The following CCDC180 variants were observed in gnomAD, a reference collection of about 807,000 sequenced individuals.
The protein encoded by CCDC180 is coiled-coil domain containing 180, also known as coiled-coil domain-containing protein 180.
Under a neutral mutation model 209.2 loss-of-function variants are expected in CCDC180, and 154 were observed. That is an observed-to-expected ratio of 0.74 (90% CI 0.65 to 0.84). The LOEUF is 0.84. CCDC180 is among the 40% of genes least tolerant of loss of function. The probability of loss-of-function intolerance (pLI) is 0.00; values close to 1 mark genes in which losing one functional copy is unlikely to be tolerated. For missense variants in CCDC180, 1,874 were observed against 1,997.3 expected (o/e 0.94, Z 1.18); for synonymous variants, 778 against 749.1 (o/e 1.04, Z -0.63).
At chr9:97,371,561 C>T (rs1424408243) in intron 33 of CCDC180, 34 bp from the exon 34 acceptor site, 7 of 1,416,854 alleles carry the variant, frequency 4.9e-6, no homozygotes, top group Non-Finnish European at 5.9e-6. Context: ...ATGATCCTCT[C>T]CTAGCAGCAC....
In CCDC180 at chr9:97,377,045, A is replaced by G. The variant is rs1259005827; in HGVS notation, c.*151A>G. Reference sequence around the variant, plus strand: ...CTGTAGCTTTACCAGCGAACAGGACACAGCATGGTCCCTGCCCACGTGGAG... The same window carrying G: ...CTGTAGCTTTACCAGCGAACAGGACGCAGCATGGTCCCTGCCCACGTGGAG... On this transcript the variant is annotated 3_prime_UTR_variant, in exon 37 of 37. Coordinates refer to ENST00000529487, the MANE Select transcript of CCDC180 (RefSeq NM_020893.6). 1.2e-6 allele frequency: 1 copy of G among 813,344 alleles called. No individual in the cohort carries two copies. The highest frequency in any genetic ancestry group is 1.9e-5 in the South Asian group (1 of 51,934). 50.4% of individuals were successfully genotyped at this position (813,344 alleles called of 1,614,324 possible). A position where few individuals can be genotyped will look rare whatever the true frequency, so the allele number is the denominator to read the frequency against.
At chr9:97,323,012 C>A in intron 12 of CCDC180, 91 bp downstream of exon 12, 1 of 914,352 alleles carries the variant, frequency 1.1e-6, no homozygotes, top group Non-Finnish European at 1.7e-6. Context: ...CTTCCCCTCC[C>A]CAGCTATGTC....
rs149708666 is a variant in CCDC180, at chr9:97,364,126, C to G, written c.3978C>G (p.Ala1326=). 2 of 1,613,974 alleles carry G rather than the reference C, an allele frequency of 1.2e-6. No individual in the cohort carries two copies. Among genetic ancestry groups the G allele is most frequent in the Admixed American group, 3.3e-5 (2 of 60,000 alleles). The stretch of plus-strand genomic sequence containing the variant: ...TTGGGGACAAGCCTCCCCCTGCTGC[C>G]GAGTGAGTAACAACGCCTTTCCTTT... ...RVLGDKPPPA[A]EDFKGIILTL... is the part of the protein sequence containing the mutation. The change falls in exon 29 of 37, where the codon GCC becomes GCG. Residue 1326 remains alanine (A), a splice_region_variant and synonymous_variant. Coordinates refer to ENST00000529487, the MANE Select transcript of CCDC180 (RefSeq NM_020893.6).
intron 20 of CCDC180, chr9:97,347,717 T>C (rs1826306458): frequency 1.9e-6 from 1 of 515,440 alleles, no homozygotes; most frequent in Non-Finnish European, 3.4e-6. Flanking sequence ...CCATTTTTTT[T>C]TCAAGAGGGT....
chr9:97,354,960 G>GA lies in CCDC180; in HGVS notation c.3220dup (p.Ile1074AsnfsTer74), dbSNP rs1564169859. The GA allele has an allele frequency of 4.3e-6, 7 of 1,614,132 alleles. No individual in the cohort carries two copies. Among genetic ancestry groups the GA allele is most frequent in the South Asian group, 1.1e-5 (1 of 91,086 alleles). On this transcript the variant is annotated frameshift_variant, in exon 24 of 37. Coordinates refer to ENST00000529487, the MANE Select transcript of CCDC180 (RefSeq NM_020893.6). LOFTEE classifies it high-confidence loss of function. Reference sequence around the variant, plus strand: ...TGTCTGTGGACCTTATTTTCATAGAGAAAATCCAGCGGTTGCTGACGAATC... The same window carrying GA: ...TGTCTGTGGACCTTATTTTCATAGAGAAAAATCCAGCGGTTGCTGACGAATC...
chr9:97,308,596 G>A (rs1451418738), intron 2 of CCDC180, among the ~76,000 whole-genome samples: 1 of 152,174 alleles, frequency 6.6e-6, no homozygotes, highest in Admixed American at 6.5e-5. Flanking sequence ...CTGTATTAAA[G>A]TAAAGCCCTC....
At chr9:97,322,947 G>A (rs1399576956) in intron 12 of CCDC180, 26 bp downstream of exon 12, 2 of 1,600,404 alleles carry the variant, frequency 1.2e-6, no homozygotes, top group Non-Finnish European at 8.6e-7. Context: ...GCAGGCCTGA[G>A]AAGAGGAATC....
At position 97,325,197 on chromosome 9, in the gene CCDC180, G is replaced by A. The variant is rs780155221; in HGVS notation, c.1545+5G>A. The A allele has an allele frequency of 6.3e-7, 1 of 1,586,328 alleles. No homozygotes were observed. The highest frequency in any genetic ancestry group is 1.1e-5 in the South Asian group (1 of 87,606). The stretch of plus-strand genomic sequence containing the variant: ...AAGCACAGCCTGGAGAGCCAGGTGA[G>A]ACCCACACCCGGGGCTCCATGTTTC... On this transcript the variant is annotated splice_donor_5th_base_variant and intron_variant, in intron 14 of 36. Transcript: ENST00000529487.
At chr9:97,368,007 G>A (rs1826974838) in intron 31 of CCDC180, among the ~76,000 whole-genome samples, 1 of 152,126 alleles carries the variant, frequency 6.6e-6, no homozygotes, top group Non-Finnish European at 1.5e-5. Flanking sequence ...CTACATGATT[G>A]TCCTCAAAAC....
Position 97,307,740 on chromosome 9 carries a change from C to G in CCDC180, c.-148C>G. The G allele has an allele frequency of 1.2e-6, 2 of 1,614,136 alleles. No homozygotes were observed. Among genetic ancestry groups the G allele is most frequent in the South Asian group, 2.2e-5 (2 of 91,084 alleles). On this transcript the variant is annotated 5_prime_UTR_variant, in exon 1 of 37. Coordinates refer to ENST00000529487, the MANE Select transcript of CCDC180 (RefSeq NM_020893.6). ...CTGTATTATTCGCGTTCCCAGAGTC[C>G]CTTCGGATTTGCGCCATGCGCGGCG...
chr9:97,335,545 A>G lies in CCDC180; in HGVS notation c.2274+4778A>G, dbSNP rs7044850. On this transcript the variant is annotated intron_variant, in intron 18 of 36. Transcript: ENST00000529487. ...ATGGCTGCATAATATTCCATGGTGT[A>G]CATGTGCCACATTTTCTTAATCCAG... 1.8e-3 allele frequency among the ~76,000 whole-genome samples: 274 copies of G among 152,342 alleles called. 1 individual carries two copies. The highest frequency in any genetic ancestry group is 5.6e-3 in the African/African-American group (234 of 41,566).
At chr9:97,315,232 G>T (rs559715031) in intron 8 of CCDC180, among the ~76,000 whole-genome samples, 3 of 152,308 alleles carry the variant, frequency 2.0e-5, no homozygotes, top group Admixed American at 6.5e-5. Context: ...GAGCGCTGAT[G>T]ATGTTAATGA....
intron 11 of CCDC180, among the ~76,000 whole-genome samples, chr9:97,321,495 G>T (rs561697269): frequency 1.1e-4 from 17 of 152,196 alleles, no homozygotes; most frequent in Non-Finnish European, 2.1e-4. Flanking sequence ...CTTAGCCTGG[G>T]TACTTTGGCT....
intron 2 of CCDC180, among the ~76,000 whole-genome samples, chr9:97,309,212 C>G (rs551404157): frequency 1.3e-5 from 2 of 152,272 alleles, no homozygotes; most frequent in South Asian, 4.2e-4. Context: ...TAGAAAGAGG[C>G]CTTCTTTGAA....
At chr9:97,347,128 C>T (rs1439520566) in intron 19 of CCDC180, among the ~76,000 whole-genome samples, 186 bp from the exon 20 acceptor site, 1 of 152,206 alleles carries the variant, frequency 6.6e-6, no homozygotes, top group Non-Finnish European at 1.5e-5. Flanking sequence ...ATCTGACATA[C>T]ATAATGTCCT....
intron 11 of CCDC180, among the ~76,000 whole-genome samples, chr9:97,322,512 T>C (rs1833390322): frequency 6.6e-6 from 1 of 152,222 alleles, no homozygotes. Flanking sequence ...CAGTAAATGC[T>C]CATTGATCTC....
At chr9:97,322,699 C>A in intron 11 of CCDC180, 134 bp from the exon 12 acceptor site, 1 of 724,060 alleles carries the variant, frequency 1.4e-6, no homozygotes, top group Non-Finnish European at 2.4e-6. Context: ...AGCCCCTGAT[C>A]TCAATCGGGA....
At position 97,354,696 on chromosome 9, in the gene CCDC180, A is replaced by G. The variant is rs1826523202; in HGVS notation, c.3130A>G (p.Asn1044Asp). The change falls in exon 23 of 37, where the codon AAT becomes GAT. Residue 1044 changes from asparagine (N) to aspartate (D), a missense_variant. Physicochemically the swap from Asn to Asp is conservative, Grantham distance 23. Transcript: ENST00000529487. ...VIMLNMEKLENEYLDQANDVI... is the reference protein window; with the variant it reads ...VIMLNMEKLEDEYLDQANDVI... ...CATGCTCAACATGGAGAAGTTGGAG[A>G]ATGAGTACCTGGACCAGGTAGGGCC... The G allele has an allele frequency of 2.5e-6, 4 of 1,614,172 alleles. No individual in the cohort carries two copies. In the East Asian group the frequency reaches 8.9e-5, roughly 36 times the overall value.
At position 97,340,626 on chromosome 9, in the gene CCDC180, G is replaced by T. The variant is rs541871724; in HGVS notation, c.2275-2714G>T. On this transcript the variant is annotated intron_variant, in intron 18 of 36. Transcript: ENST00000529487. ...GAGGGGACACAGTGCAAAGTGACCAGAAGACAAGATTGCAAGCCTTCTGTT... is the reference window on the plus strand; with the variant it reads ...GAGGGGACACAGTGCAAAGTGACCATAAGACAAGATTGCAAGCCTTCTGTT... Among the ~76,000 whole-genome samples the T allele has an allele frequency of 2.0e-5, 3 of 152,324 alleles. No individual in the cohort carries two copies. In the East Asian group the frequency reaches 5.8e-4, roughly 29 times the overall value.
Sources: allele counts gnomAD v4.1 joint callset (sites outside exome capture counted in the v4.1 genomes callset), GRCh38; gene constraint gnomAD v4.1.1; transcripts MANE v1.5; gene names NCBI Gene and HGNC (gene_info 2026-07-23, HGNC 2026-07-21).